ZFHX4: variants seen among roughly 807,000 people sequenced by gnomAD.
ZFHX4 encodes zinc finger homeobox 4.
ZFHX4 carries 56 observed loss-of-function variants against 267.6 expected under a neutral mutation model. That is an observed-to-expected ratio of 0.21 (90% CI 0.17 to 0.26). The LOEUF (loss-of-function observed/expected upper bound fraction) is 0.26. Among genes scored for constraint, ZFHX4 ranks in the 10% least tolerant of loss-of-function variants. The pLI, the probability that ZFHX4 is intolerant of heterozygous loss-of-function variation, is 1.00. For synonymous variants in ZFHX4, 1,778 were observed against 1,665.6 expected (o/e 1.07, Z -1.64); for missense variants, 4,332 against 4,420.0 (o/e 0.98, Z 0.56).
chr8:76,781,567 A>G (rs1468739697), intron 4 of ZFHX4, among the ~76,000 whole-genome samples: 1 of 152,086 alleles, frequency 6.6e-6, no homozygotes, highest in East Asian at 1.9e-4. Context: ...TTTTGTTGGC[A>G]TTGTGGATGC....
intron 4 of ZFHX4, among the ~76,000 whole-genome samples, chr8:76,791,573 C>A (rs1322608157): frequency 6.6e-6 from 1 of 152,056 alleles, no homozygotes; most frequent in Non-Finnish European, 1.5e-5. Context: ...TGAGAAATTT[C>A]ATTCCTGTAC....
Position 76,706,659 on chromosome 8 carries a change from G to A in ZFHX4, c.2571G>A (p.Ala857=), listed in dbSNP as rs1398919496. The A allele has an allele frequency of 6.3e-6, 10 of 1,591,200 alleles. No individual in the cohort carries two copies. Among genetic ancestry groups the A allele is most frequent in the Non-Finnish European group, 8.5e-6 (10 of 1,171,022 alleles). Residue 857 remains alanine (A), a synonymous_variant, in exon 2 of 11, where the codon GCG becomes GCA. Transcript: ENST00000651372. The part of the protein sequence containing the change: ...NPFQLDPATA[A]ALAPGLVNNE... Reference sequence around the variant, plus strand: ...TCCAGCTGGATCCAGCGACAGCAGCGGCTTTGGCACCAGGGCTCGGTTAGT... The same window carrying A: ...TCCAGCTGGATCCAGCGACAGCAGCAGCTTTGGCACCAGGGCTCGGTTAGT...
chr8:76,752,118 G>A (rs905783126), intron 3 of ZFHX4, among the ~76,000 whole-genome samples: 1 of 152,100 alleles, frequency 6.6e-6, no homozygotes, highest in African/African-American at 2.4e-5. Flanking sequence ...ACTGATTGCA[G>A]CTTCCCTGCA....
At chr8:76,837,739 A>G (rs1812129857) in intron 5 of ZFHX4, among the ~76,000 whole-genome samples, 1 of 152,168 alleles carries the variant, frequency 6.6e-6, no homozygotes, top group Non-Finnish European at 1.5e-5. Context: ...AAAAATGTTT[A>G]CCTATTACAG....
intron 1 of ZFHX4, among the ~76,000 whole-genome samples, chr8:76,699,245 T>C (rs1441933997): frequency 6.6e-6 from 1 of 152,156 alleles, no homozygotes; most frequent in Non-Finnish European, 1.5e-5. Flanking sequence ...AAAATGTGCT[T>C]TTGTTAAGTT....
rs1176733268 is a variant in ZFHX4 at position 76,779,547 on chromosome 8, T to C, written c.3325+1108T>C. ...AGCGTACTCCATTACATAGCAACTC[T>C]ATTGAATCCCATGGCAAACCCGGAC... On this transcript the variant is annotated intron_variant, in intron 4 of 10. Coordinates refer to ENST00000651372, the MANE Select transcript of ZFHX4 (RefSeq NM_024721.5). Among the ~76,000 whole-genome samples, 3 of 152,108 alleles carry C rather than the reference T, an allele frequency of 2.0e-5. No individual in the cohort carries two copies. In the East Asian group the frequency reaches 5.8e-4, roughly 29 times the overall value.
chr8:76,863,156 C>CT lies in ZFHX4; in HGVS notation c.9443dup (p.Ser3149ValfsTer42). 6.4e-7 allele frequency: 1 copy of CT among 1,550,884 alleles called. No homozygotes were observed. On this transcript the variant is annotated frameshift_variant, in exon 11 of 11. Coordinates refer to ENST00000651372, the MANE Select transcript of ZFHX4 (RefSeq NM_024721.5). LOFTEE classifies it high-confidence loss of function. Reference sequence around the variant, plus strand: ...TACTTCAGCTACTTCGTCTCCTGCCCTGTCTCTCAGCAGTGCCCCCACCAA... The same window carrying CT: ...TACTTCAGCTACTTCGTCTCCTGCCCTTGTCTCTCAGCAGTGCCCCCACCAA...
intron 3 of ZFHX4, among the ~76,000 whole-genome samples, chr8:76,712,698 G>A (rs1261186132): frequency 6.6e-6 from 1 of 152,090 alleles, no homozygotes; most frequent in Non-Finnish European, 1.5e-5. Flanking sequence ...GATGAAGAAA[G>A]CTGTTTTCAG....
intron 10 of ZFHX4, 84 bp downstream of exon 10, chr8:76,856,384 TG>T (rs1190904878): frequency 6.8e-7 from 1 of 1,476,642 alleles, no homozygotes; most frequent in East Asian, 2.4e-5. Context: ...GGGGTGCCTT[TG>T]GATTTCTTTT....
At chr8:76,711,149 T>C (rs1172398159) in intron 3 of ZFHX4, among the ~76,000 whole-genome samples, 1 of 152,174 alleles carries the variant, frequency 6.6e-6, no homozygotes, top group Non-Finnish European at 1.5e-5. Flanking sequence ...CTATTGCTAA[T>C]GATGACTGCA....
chr8:76,706,391 G>A lies in ZFHX4; in HGVS notation c.2303G>A (p.Arg768Gln), dbSNP rs760849747. Residue 768 changes from arginine (R) to glutamine (Q), a missense_variant, in exon 2 of 11, where the codon CGG becomes CAG. This residue lies in a region of ZFHX4 where 1,195 missense variants were observed against 1,173.6 expected (regional missense o/e 1.02). Transcript: ENST00000651372. ...PSKPKQKPTW[R>Q]CEVCDYETNV... ...AAACCCAAACAGAAACCCACCTGGCGGTGTGAAGTTTGTGATTATGAAACC... is the reference window on the plus strand; with the variant it reads ...AAACCCAAACAGAAACCCACCTGGCAGTGTGAAGTTTGTGATTATGAAACC... 5.0e-6 allele frequency: 8 copies of A among 1,614,086 alleles called. No homozygotes were observed. The highest frequency in any genetic ancestry group is 2.2e-5 in the East Asian group (1 of 44,850).
chr8:76,777,200 TG>T (rs1810421045), intron 3 of ZFHX4, among the ~76,000 whole-genome samples: 1 of 152,220 alleles, frequency 6.6e-6, no homozygotes, highest in Non-Finnish European at 1.5e-5. Flanking sequence ...TGTATGGAAT[TG>T]AACTACCCCA....
Position 76,842,720 on chromosome 8 carries a change from G to C in ZFHX4, c.3460G>C (p.Asp1154His), listed in dbSNP as rs754062922. Residue 1154 changes from aspartate to histidine, a missense_variant, in exon 6 of 11, where the codon GAC (aspartate) becomes CAC (histidine). Asp to His is a moderately conservative substitution (Grantham distance 81). Coordinates refer to ENST00000651372, the MANE Select transcript of ZFHX4 (RefSeq NM_024721.5). Reference sequence around the variant, plus strand: ...AGCAGTGGCCGAGGACGATGAAAAAGACACAAGTGAGAGAGACAATAGTGA... The same window carrying C: ...AGCAGTGGCCGAGGACGATGAAAAACACACAAGTGAGAGAGACAATAGTGA... ...PTAVAEDDEK[D>H]TSERDNSEGK... The C allele has an allele frequency of 1.2e-5, 18 of 1,554,816 alleles. No individual in the cohort carries two copies. The highest frequency in any genetic ancestry group is 1.5e-5 in the Non-Finnish European group (17 of 1,148,896).
chr8:76,811,463 T>A (rs1389698159), intron 4 of ZFHX4, among the ~76,000 whole-genome samples: 2 of 152,208 alleles, frequency 1.3e-5, no homozygotes, highest in Non-Finnish European at 2.9e-5. Flanking sequence ...CATTTCAGTG[T>A]CTGTGGTTGT....
intron 3 of ZFHX4, among the ~76,000 whole-genome samples, chr8:76,715,131 T>C (rs1808530770): frequency 6.6e-6 from 1 of 152,186 alleles, no homozygotes. Context: ...AGGACATATA[T>C]GTAGTTTTCA....
At chr8:76,861,084 A>G (rs895016718) in intron 10 of ZFHX4, among the ~76,000 whole-genome samples, 18 of 152,170 alleles carry the variant, frequency 1.2e-4, no homozygotes, top group African/African-American at 4.3e-4. Flanking sequence ...TAAAGATCAG[A>G]GAGTTTATTC....
At position 76,854,845 on chromosome 8, in the gene ZFHX4, G is replaced by A; in HGVS notation, c.7924G>A (p.Val2642Ile). 6.2e-7 allele frequency: 1 copy of A among 1,609,436 alleles called. No individual in the cohort carries two copies. The highest frequency in any genetic ancestry group is 8.5e-7 in the Non-Finnish European group (1 of 1,178,612). ...AATGCTTGATCATATTGCCCGCGAA[G>A]TCGGGCTGAAAAAAAGGGTCGTGCA... ...RKMLDHIARE[V>I]GLKKRVVQVW... is the part of the protein sequence containing the mutation. The change falls in exon 10 of 11, where the codon GTC (valine) becomes ATC (isoleucine). Residue 2642 changes from valine (V) to isoleucine (I), a missense_variant. Transcript: ENST00000651372.
In ZFHX4 at chr8:76,761,530, T is replaced by G. The variant is rs137993452; in HGVS notation, c.3094-16678T>G. ...TTCTCCTTTATTACAGTTAGGTTAT[T>G]ATATTGATTTATATACATTCTATGT... On this transcript the variant is annotated intron_variant, in intron 3 of 10. Coordinates refer to ENST00000651372, the MANE Select transcript of ZFHX4 (RefSeq NM_024721.5). 3.3e-3 allele frequency among the ~76,000 whole-genome samples: 501 copies of G among 152,324 alleles called. 2 individuals are homozygous for G. Among genetic ancestry groups the G allele is most frequent in the African/African-American group, 0.011 (470 of 41,578 alleles).
chr8:76,757,299 C>T (rs376765768), intron 3 of ZFHX4, among the ~76,000 whole-genome samples: 21 of 152,036 alleles, frequency 1.4e-4, no homozygotes, highest in African/African-American at 1.9e-4. Flanking sequence ...ATGGCAGTGG[C>T]GCCCGAGAAC....
Sources: allele counts gnomAD v4.1 joint callset (sites outside exome capture counted in the v4.1 genomes callset), GRCh38; gene constraint gnomAD v4.1.1; regional missense constraint gnomAD v4.1.1; transcripts MANE v1.5; gene names NCBI Gene and HGNC (gene_info 2026-07-23, HGNC 2026-07-21).